Variants in C8orf34 observed in about 807,000 individuals in gnomAD.
C8orf34 encodes uncharacterized protein C8orf34.
C8orf34 carries 65 observed loss-of-function variants against 68.3 expected under a neutral mutation model. The ratio of observed to expected loss-of-function variants is 0.95; its 90% CI spans 0.78 to 1.17. The LOEUF is 1.17. C8orf34 is among the 50% of genes most tolerant of loss of function. C8orf34 has a pLI of 0.00. For synonymous variants in C8orf34, 244 were observed against 241.2 expected, an observed-to-expected ratio of 1.01 and a Z score of -0.11; for missense variants, 664 against 655.4, an observed-to-expected ratio of 1.01 and a Z score of -0.14.
At chr8:68,795,091 G>T (rs956030979) in intron 12 of C8orf34, among the ~76,000 whole-genome samples, 1 of 152,072 alleles carries the variant, frequency 6.6e-6, no homozygotes, top group Non-Finnish European at 1.5e-5. Flanking sequence ...AAAATCTGCT[G>T]TTGAGCCCTT....
intron 1 of C8orf34, among the ~76,000 whole-genome samples, chr8:68,429,154 C>T (rs1442363455): frequency 6.6e-6 from 1 of 151,976 alleles, no homozygotes; most frequent in Non-Finnish European, 1.5e-5. Flanking sequence ...AGGCAATCCC[C>T]CCATACAGAT....
At chr8:68,696,888 A>G (rs1348127530) in intron 8 of C8orf34, among the ~76,000 whole-genome samples, 3 of 151,258 alleles carry the variant, frequency 2.0e-5, no homozygotes, top group Non-Finnish European at 4.4e-5. Context: ...CTGCTATTTA[A>G]TCTCTTTTCC....
intron 3 of C8orf34, among the ~76,000 whole-genome samples, chr8:68,465,465 G>T (rs183355681): frequency 0.027 from 4,117 of 151,498 alleles, 82 homozygotes; most frequent in South Asian, 0.063. Context: ...ATACCCAAAG[G>T]ACTATAAATC....
intron 1 of C8orf34, among the ~76,000 whole-genome samples, chr8:68,410,645 C>T (rs900400560): frequency 9.2e-5 from 14 of 152,074 alleles, no homozygotes; most frequent in African/African-American, 2.4e-4. Context: ...GGAGGTAGAG[C>T]GCTTTACTAT....
intron 10 of C8orf34, among the ~76,000 whole-genome samples, chr8:68,753,917 C>T (rs1319421470): frequency 6.6e-6 from 1 of 152,116 alleles, no homozygotes; most frequent in Admixed American, 6.5e-5. Flanking sequence ...AATAGAGTCA[C>T]AGTCATTGGT....
intron 1 of C8orf34, among the ~76,000 whole-genome samples, chr8:68,371,032 G>A (rs1330698860): frequency 6.6e-6 from 1 of 151,982 alleles, no homozygotes; most frequent in Non-Finnish European, 1.5e-5. Flanking sequence ...TGCAAACAAC[G>A]GCCCAGATGA....
intron 7 of C8orf34, among the ~76,000 whole-genome samples, chr8:68,590,440 A>T (rs1260995278): frequency 6.6e-6 from 1 of 152,160 alleles, no homozygotes; most frequent in African/African-American, 2.4e-5. Context: ...CCCAAAGTAC[A>T]GAGAACTCAG....
At chr8:68,522,508 C>A (rs1814799256) in intron 6 of C8orf34, among the ~76,000 whole-genome samples, 1 of 152,014 alleles carries the variant, frequency 6.6e-6, no homozygotes. Context: ...ATTTTTGAAA[C>A]TGCTATTATT....
chr8:68,525,548 G>A, intron 6 of C8orf34: 1 of 890,818 alleles, frequency 1.1e-6, no homozygotes, highest in Non-Finnish European at 1.8e-6. Context: ...TTTCCCTCCT[G>A]TGTGTCTTCG....
intron 7 of C8orf34, among the ~76,000 whole-genome samples, chr8:68,605,313 A>G (rs1817822356): frequency 6.6e-6 from 1 of 152,134 alleles, no homozygotes; most frequent in Non-Finnish European, 1.5e-5. Context: ...TTTCTTATAA[A>G]ACTAAATATA....
rs141505799 is a variant in C8orf34, at chr8:68,724,655, T to C, written c.1404+3218T>C. ...CTTTTCTGGACTGCCTCTTGGTATA[T>C]ATACAGCCTATGCAGGTTAAAACTG... On this transcript the variant is annotated intron_variant, in intron 10 of 13. Coordinates refer to ENST00000518698, the MANE Select transcript of C8orf34 (RefSeq NM_052958.4). Among the ~76,000 whole-genome samples, 506 of 152,318 alleles carry C rather than the reference T, an allele frequency of 3.3e-3. 3 individuals are homozygous for C. The highest frequency in any genetic ancestry group is 0.011 in the African/African-American group (478 of 41,574).
intron 7 of C8orf34, among the ~76,000 whole-genome samples, chr8:68,639,973 G>T (rs1191704250): frequency 6.6e-6 from 1 of 152,164 alleles, no homozygotes; most frequent in African/African-American, 2.4e-5. Context: ...GTTTTGTGTG[G>T]TTGGTTCTGA....
At chr8:68,424,636 GC>G (rs1291172412) in intron 1 of C8orf34, among the ~76,000 whole-genome samples, 1 of 152,058 alleles carries the variant, frequency 6.6e-6, no homozygotes, top group East Asian at 1.9e-4. Context: ...GTAAAAAAGA[GC>G]CACCTGTAAT....
At chr8:68,813,169 C>A (rs1360273248) in intron 12 of C8orf34, among the ~76,000 whole-genome samples, 41 of 152,126 alleles carry the variant, frequency 2.7e-4, no homozygotes, top group Admixed American at 2.6e-3. Flanking sequence ...GATGGCCACT[C>A]TCTTATTTGT....
chr8:68,355,168 T>C (rs1806693994), intron 1 of C8orf34, among the ~76,000 whole-genome samples: 1 of 152,154 alleles, frequency 6.6e-6, no homozygotes, highest in Non-Finnish European at 1.5e-5. Context: ...ATATTTGCTT[T>C]CAAGAGAGGG....
At chr8:68,396,924 C>T (rs1390454783) in intron 1 of C8orf34, among the ~76,000 whole-genome samples, 2 of 151,844 alleles carry the variant, frequency 1.3e-5, no homozygotes, top group East Asian at 1.9e-4. Flanking sequence ...TATAAATACC[C>T]AGCTTCATGT....
At chr8:68,646,450 A>T (rs902378216) in intron 8 of C8orf34, among the ~76,000 whole-genome samples, 1 of 152,120 alleles carries the variant, frequency 6.6e-6, no homozygotes, top group Non-Finnish European at 1.5e-5. Context: ...ACCACCAATC[A>T]TACTTTTTTT....
chr8:68,726,912 G>T (rs2129526687), intron 10 of C8orf34, among the ~76,000 whole-genome samples: 1 of 152,158 alleles, frequency 6.6e-6, no homozygotes, highest in East Asian at 1.9e-4. Flanking sequence ...GTTGAGATTT[G>T]GGTGAGGACA....
chr8:68,787,629 TG>T, intron 12 of C8orf34, 93 bp downstream of exon 12: 4 of 819,214 alleles, frequency 4.9e-6, no homozygotes, highest in Non-Finnish European at 7.4e-6. Context: ...AAACAACTTC[TG>T]TAAAAAAAAA....
Sources: allele counts gnomAD v4.1 joint callset (sites outside exome capture counted in the v4.1 genomes callset), GRCh38; gene constraint gnomAD v4.1.1; transcripts MANE v1.5; gene names NCBI Gene and HGNC (gene_info 2026-07-23, HGNC 2026-07-21).